Variants in CRCP observed in about 807,000 individuals in gnomAD.
CRCP encodes the protein DNA-directed RNA polymerase III subunit RPC9.
A neutral mutation model predicts 18.5 loss-of-function variants in CRCP; 18 were observed. The ratio of observed to expected loss-of-function variants is 0.97; its 90% CI spans 0.67 to 1.44. The LOEUF is 1.44. CRCP is among the 40% of genes most tolerant of loss of function. CRCP has a pLI of 0.00. For synonymous variants in CRCP, 53 were observed against 62.9 expected, an observed-to-expected ratio of 0.84 and a Z score of 0.75; for missense variants, 130 against 176.4, an observed-to-expected ratio of 0.74 and a Z score of 1.49.
At chr7:66,130,097 CTTTTTTTT>C (rs35682014) in intron 2 of CRCP, 11 of 100,556 alleles carry the variant, frequency 1.1e-4, no homozygotes, top group African/African-American at 1.6e-4. Context: ...AAGCAGGATT[CTTTTTTTT>C]TTTTTTTTTT....
chr7:66,119,213 C>T (rs1025462585), intron 1 of CRCP, among the ~76,000 whole-genome samples: 26 of 152,172 alleles, frequency 1.7e-4, no homozygotes, highest in African/African-American at 6.0e-4. Flanking sequence ...CTAATGAAAT[C>T]TCTACAAAAC....
intron 2 of CRCP, among the ~76,000 whole-genome samples, chr7:66,129,364 T>C (rs1043526960): frequency 6.6e-6 from 1 of 151,970 alleles, no homozygotes; most frequent in Non-Finnish European, 1.5e-5. Flanking sequence ...TAGCTGGACA[T>C]GGTAGCAAAC....
At chr7:66,132,393 G>A (rs1787834425) in intron 3 of CRCP, among the ~76,000 whole-genome samples, 1 of 152,146 alleles carries the variant, frequency 6.6e-6, no homozygotes, top group African/African-American at 2.4e-5. Flanking sequence ...TTTGTAGAAT[G>A]TCTGTTGATT....
At chr7:66,130,720 C>T (rs200398279) in intron 2 of CRCP, 24 bp from the exon 3 acceptor site, 7 of 1,377,734 alleles carry the variant, frequency 5.1e-6, no homozygotes, top group Admixed American at 1.8e-5. Context: ...TATTCATAAA[C>T]GTCTTTTTTG....
intron 4 of CRCP, among the ~76,000 whole-genome samples, chr7:66,140,713 T>C (rs977959937): frequency 7.9e-5 from 12 of 152,180 alleles, no homozygotes; most frequent in African/African-American, 2.9e-4. Flanking sequence ...TTCACTGTAA[T>C]CTGTGGAGAG....
At chr7:66,129,840 G>A (rs565763522) in intron 2 of CRCP, among the ~76,000 whole-genome samples, 3 of 152,184 alleles carry the variant, frequency 2.0e-5, no homozygotes, top group South Asian at 2.1e-4. Context: ...TATTGTATCT[G>A]GTGATGGTGT....
intron 1 of CRCP, among the ~76,000 whole-genome samples, chr7:66,118,223 G>A (rs1423930484): frequency 6.6e-6 from 1 of 152,186 alleles, no homozygotes; most frequent in Non-Finnish European, 1.5e-5. Flanking sequence ...TGATTTGCCT[G>A]CCTCAGCCTC....
intron 1 of CRCP, among the ~76,000 whole-genome samples, chr7:66,117,715 G>T (rs1264799695): frequency 6.6e-6 from 1 of 152,024 alleles, no homozygotes; most frequent in Non-Finnish European, 1.5e-5. Context: ...GTCGCTCCTG[G>T]GTAAAACCCT....
At chr7:66,145,861 C>T (rs1030354932) in intron 5 of CRCP, among the ~76,000 whole-genome samples, 2 of 152,210 alleles carry the variant, frequency 1.3e-5, no homozygotes, top group East Asian at 3.9e-4. Context: ...CCCACGCCCA[C>T]CCTTCACCCT....
At chr7:66,147,565 A>G (rs1404011810) in intron 5 of CRCP, among the ~76,000 whole-genome samples, 1 of 152,156 alleles carries the variant, frequency 6.6e-6, no homozygotes, top group African/African-American at 2.4e-5. Flanking sequence ...CTTGATGAGA[A>G]GAAAGATGTG....
At chr7:66,115,119 G>C (rs1185141340) in intron 1 of CRCP, 149 bp downstream of exon 1, 2 of 1,169,242 alleles carry the variant, frequency 1.7e-6, no homozygotes, top group African/African-American at 1.5e-5. Flanking sequence ...CCGCGGGGTG[G>C]TGACGGGGAC....
chr7:66,124,185 C>T (rs1787546577), intron 1 of CRCP, among the ~76,000 whole-genome samples: 5 of 148,994 alleles, frequency 3.4e-5, no homozygotes, highest in Admixed American at 1.4e-4. Context: ...CACAGTGAAA[C>T]CCCGTCTCTA....
At chr7:66,132,802 C>CA (rs931298811) in intron 3 of CRCP, among the ~76,000 whole-genome samples, 1 of 151,624 alleles carries the variant, frequency 6.6e-6, no homozygotes, top group Non-Finnish European at 1.5e-5. Context: ...CCCAGCTACT[C>CA]AGAGAGGCTG....
At chr7:66,115,060 C>G (rs1230452100) in intron 1 of CRCP, 90 bp downstream of exon 1, 2 of 1,541,930 alleles carry the variant, frequency 1.3e-6, no homozygotes, top group African/African-American at 2.7e-5. Flanking sequence ...GGGGACTGGG[C>G]GACCCTCGTA....
intron 2 of CRCP, 60 bp from the exon 3 acceptor site, chr7:66,130,684 C>T: frequency 1.0e-6 from 1 of 997,326 alleles, no homozygotes; most frequent in South Asian, 1.4e-5. Context: ...AAACCACTGA[C>T]CTTGGATAGA....
At chr7:66,122,374 C>CAAAA (rs939428601) in intron 1 of CRCP, among the ~76,000 whole-genome samples, 6,976 of 57,698 alleles carry the variant, frequency 0.12, 332 homozygotes, top group Non-Finnish European at 0.17. Flanking sequence ...GACTCCGTCT[C>CAAAA]AAAAAAAAAA....
At chr7:66,137,557 C>T (rs935726618) in intron 4 of CRCP, among the ~76,000 whole-genome samples, 1 of 152,218 alleles carries the variant, frequency 6.6e-6, no homozygotes, top group Non-Finnish European at 1.5e-5. Context: ...AGTCCTTCAC[C>T]ATTAAGTATG....
chr7:66,140,922 G>A (rs565659255), intron 4 of CRCP, among the ~76,000 whole-genome samples: 2 of 152,274 alleles, frequency 1.3e-5, no homozygotes, highest in South Asian at 2.1e-4. Context: ...TTCGTGATTG[G>A]CCATGATCTA....
At position 66,152,454 on chromosome 7, in the gene CRCP, C is replaced by A; in HGVS notation, c.*97C>A. ...TTGTTTATTTGATTTTTATCCTCAT[C>A]CCAGCAGGCCTGGCTTTGTGGTTAG... On this transcript the variant is annotated 3_prime_UTR_variant, in exon 6 of 6. Coordinates refer to ENST00000395326, the MANE Select transcript of CRCP (RefSeq NM_014478.5). 1.5e-6 allele frequency: 2 copies of A among 1,372,098 alleles called. No individual in the cohort carries two copies. The highest frequency in any genetic ancestry group is 1.0e-6 in the Non-Finnish European group (1 of 1,000,516). The allele number at this position is 1,372,098 out of a possible 1,614,324, so 85.0% of individuals were successfully genotyped here. A position where few individuals can be genotyped will look rare whatever the true frequency, so the allele number is the denominator to read the frequency against.
Sources: gnomAD v4.1 joint callset for allele counts (sites outside exome capture counted in the v4.1 genomes callset) on GRCh38, gnomAD v4.1.1 for gene constraint, MANE v1.5 for transcripts, NCBI Gene and HGNC (gene_info 2026-07-23, HGNC 2026-07-21) for gene names.